The following NOL10 variants were observed in gnomAD, a reference collection of about 807,000 sequenced individuals.
NOL10 encodes the protein nucleolar protein 10.
NOL10 carries 58 observed loss-of-function variants against 103.5 expected under a neutral mutation model. That is an observed-to-expected ratio of 0.56 (90% CI 0.45 to 0.70). The LOEUF (loss-of-function observed/expected upper bound fraction) is 0.70, where lower values mean the gene tolerates loss of function less well. Ranked by LOEUF, NOL10 falls within the 30% of genes least tolerant of loss-of-function variation. The pLI is 0.00. For missense variants in NOL10, 763 were observed against 807.3 expected (o/e 0.95, Z 0.67); for synonymous variants, 287 against 282.5 (o/e 1.02, Z -0.16).
intron 13 of NOL10, among the ~76,000 whole-genome samples, chr2:10,626,158 G>A (rs1002340816): frequency 6.6e-6 from 1 of 152,098 alleles, no homozygotes; most frequent in African/African-American, 2.4e-5. Flanking sequence ...TCCAGCCTGG[G>A]AGACAGAGTG....
At chr2:10,615,393 C>T (rs1325814746) in intron 13 of NOL10, among the ~76,000 whole-genome samples, 1 of 152,050 alleles carries the variant, frequency 6.6e-6, no homozygotes, top group Non-Finnish European at 1.5e-5. Context: ...CACTAATAGC[C>T]CATCAAGCAA....
intron 16 of NOL10, 111 bp downstream of exon 16, chr2:10,602,665 A>C: frequency 1.4e-6 from 1 of 713,874 alleles, no homozygotes; most frequent in Non-Finnish European, 2.3e-6. Context: ...TAAAAGATGC[A>C]AATTAAAGAT....
intron 12 of NOL10, among the ~76,000 whole-genome samples, chr2:10,652,153 T>C (rs1451267116): frequency 6.6e-6 from 1 of 151,446 alleles, no homozygotes; most frequent in Admixed American, 6.6e-5. Flanking sequence ...GGCAGGAGAA[T>C]CGCTTGAATC....
intron 20 of NOL10, among the ~76,000 whole-genome samples, chr2:10,572,881 A>T (rs1288178052): frequency 2.0e-5 from 3 of 152,158 alleles, no homozygotes; most frequent in Non-Finnish European, 1.5e-5. Context: ...CTCAATGCTC[A>T]TTGGCTCACA....
In NOL10 at chr2:10,681,986, A is replaced by G. The variant is rs1370745085; in HGVS notation, c.196T>C (p.Tyr66His). The G allele has an allele frequency of 2.1e-6, 3 of 1,457,126 alleles. No individual in the cohort carries two copies. Among genetic ancestry groups the G allele is most frequent in the East Asian group, 5.0e-5 (2 of 39,662 alleles). 90.3% of individuals were successfully genotyped at this position (1,457,126 alleles called of 1,614,324 possible). A position where few individuals can be genotyped will look rare whatever the true frequency, so the allele number is the denominator to read the frequency against. The change falls in exon 3 of 21, where the codon TAC (tyrosine) becomes CAC (histidine). Residue 66 changes from tyrosine (Y) to histidine (H), a missense_variant. By Grantham distance (83) the Tyr-to-His change is moderately conservative (BLOSUM62 2). Coordinates refer to ENST00000381685, the MANE Select transcript of NOL10 (RefSeq NM_024894.4). ...TTIKVSKDGQ[Y>H]ILATGTYKPR... is the part of the protein sequence containing the mutation. ...AGATGCTTACCAGTTGCTAAAATGT[A>G]CTGTCCATCTTTTGACACCTTAATA...
At chr2:10,641,097 G>T (rs538198822) in intron 13 of NOL10, among the ~76,000 whole-genome samples, 1 of 150,480 alleles carries the variant, frequency 6.6e-6, no homozygotes, top group Admixed American at 6.7e-5. Context: ...GAGGCAGGTG[G>T]ATCACATGAG....
At chr2:10,587,054 T>TAC (rs1271995695) in intron 19 of NOL10, among the ~76,000 whole-genome samples, 1 of 49,666 alleles carries the variant, frequency 2.0e-5, no homozygotes, top group African/African-American at 7.1e-5. Flanking sequence ...TATATATATA[T>TAC]ACATATATAT....
At position 10,662,023 on chromosome 2, in the gene NOL10, A is replaced by G. The variant is rs115526516; in HGVS notation, c.677+936T>C. On this transcript the variant is annotated intron_variant, in intron 9 of 20. Coordinates refer to ENST00000381685, the MANE Select transcript of NOL10 (RefSeq NM_024894.4). ...AATGTGGTAACACTCTATAGTCAAC[A>G]GTATGGCTCGCTTTTCCACTGACAG... Among the ~76,000 whole-genome samples, 1,454 of 152,276 alleles carry G rather than the reference A, an allele frequency of 9.5e-3. 31 individuals carry two copies. The highest frequency in any genetic ancestry group is 0.033 in the African/African-American group (1,391 of 41,550).
intron 13 of NOL10, among the ~76,000 whole-genome samples, chr2:10,637,188 CAAAA>C (rs61693251): frequency 2.2e-5 from 1 of 44,524 alleles, no homozygotes; most frequent in African/African-American, 8.5e-5. Flanking sequence ...GACACTGTCT[CAAAA>C]AAAAAAAAAA....
At chr2:10,683,736 T>G (rs1169110832) in intron 2 of NOL10, among the ~76,000 whole-genome samples, 1 of 152,192 alleles carries the variant, frequency 6.6e-6, no homozygotes, top group East Asian at 1.9e-4. Flanking sequence ...AAATCCACTG[T>G]GTGCCAAGCA....
At chr2:10,664,206 G>A (rs1680424539) in intron 8 of NOL10, among the ~76,000 whole-genome samples, 1 of 152,032 alleles carries the variant, frequency 6.6e-6, no homozygotes, top group Non-Finnish European at 1.5e-5. Flanking sequence ...CGAGGTAGGT[G>A]GATCACCTGA....
At chr2:10,639,473 T>C (rs921183912) in intron 13 of NOL10, among the ~76,000 whole-genome samples, 3 of 152,042 alleles carry the variant, frequency 2.0e-5, no homozygotes, top group African/African-American at 7.2e-5. Context: ...TTTCCTCAAG[T>C]TTACACATCC....
intron 2 of NOL10, 58 bp from the exon 3 acceptor site, chr2:10,682,127 A>C: frequency 2.8e-6 from 2 of 715,622 alleles, no homozygotes; most frequent in East Asian, 6.3e-5. Flanking sequence ...CTCTATCATA[A>C]GAAGACAAAT....
intron 13 of NOL10, among the ~76,000 whole-genome samples, chr2:10,627,228 C>T (rs1677528081): frequency 6.6e-6 from 1 of 152,192 alleles, no homozygotes. Context: ...AATCACAAAA[C>T]AGAACTCCAC....
In NOL10 at chr2:10,689,735, T is replaced by C. The variant is rs374452760; in HGVS notation, c.66+61A>G. On this transcript the variant is annotated intron_variant, in intron 1 of 20. Transcript: ENST00000381685. ...GGCTAGGGCCGAGGAGAGGGGCGGC[T>C]GCCCCACGAGGAGGACGACCCCCAA... 4.6e-3 allele frequency: 6,723 copies of C among 1,477,094 alleles called. 27 individuals carry two copies. Among genetic ancestry groups the C allele is most frequent in the Non-Finnish European group, 5.9e-3 (6,389 of 1,077,052 alleles). The allele number at this position is 1,477,094 out of a possible 1,614,324, so 91.5% of individuals were successfully genotyped here.
At chr2:10,594,040 C>A (rs1675533216) in intron 17 of NOL10, among the ~76,000 whole-genome samples, 1 of 152,110 alleles carries the variant, frequency 6.6e-6, no homozygotes, top group South Asian at 2.1e-4. Flanking sequence ...TTCCTCACTG[C>A]CAAAAAATAA....
At chr2:10,650,498 G>A (rs551138039) in intron 12 of NOL10, among the ~76,000 whole-genome samples, 2 of 152,068 alleles carry the variant, frequency 1.3e-5, no homozygotes, top group African/African-American at 4.8e-5. Context: ...TGTTTTGGGC[G>A]TTTTTCCCAG....
chr2:10,628,124 C>G (rs1558302080), intron 13 of NOL10, among the ~76,000 whole-genome samples: 1 of 152,138 alleles, frequency 6.6e-6, no homozygotes, highest in South Asian at 2.1e-4. Context: ...ATTTTCTGTA[C>G]CTCATACAAG....
At chr2:10,587,094 TATAC>T (rs376582871) in intron 19 of NOL10, among the ~76,000 whole-genome samples, 1,019 of 39,452 alleles carry the variant, frequency 0.026, 281 homozygotes, top group Non-Finnish European at 0.042. Context: ...TATACATATA[TATAC>T]ACATATATAT....
Sources: gnomAD v4.1 joint callset for allele counts (sites outside exome capture counted in the v4.1 genomes callset) on GRCh38, gnomAD v4.1.1 for gene constraint, MANE v1.5 for transcripts, NCBI Gene and HGNC (gene_info 2026-07-23, HGNC 2026-07-21) for gene names.